Variants in RIMS1 observed in about 807,000 individuals in gnomAD.
RIMS1 encodes regulating synaptic membrane exocytosis protein 1.
A neutral mutation model predicts 214.1 loss-of-function variants in RIMS1; 83 were observed. The ratio of observed to expected loss-of-function variants is 0.39; its 90% CI spans 0.32 to 0.47. RIMS1 has a LOEUF of 0.47. Ranked by LOEUF, RIMS1 falls within the 20% of genes least tolerant of loss-of-function variation. The probability of loss-of-function intolerance (pLI) is 0.99; values close to 1 mark genes in which losing one functional copy is unlikely to be tolerated. For missense variants in RIMS1, 2,050 were observed against 2,161.8 expected (o/e 0.95, Z 1.03); for synonymous variants, 793 against 786.8 (o/e 1.01, Z -0.13).
rs930435911 is a variant in RIMS1 at position 72,307,263 on chromosome 6, T to A, written c.3856T>A (p.Leu1286Ile). Residue 1286 changes from leucine (L) to isoleucine (I), a missense_variant, in exon 27 of 34, where the codon TTA (leucine) becomes ATA (isoleucine). This residue lies in a region of RIMS1 where 889 missense variants were observed against 885.5 expected (regional missense o/e 1.00). Coordinates refer to ENST00000521978, the MANE Select transcript of RIMS1 (RefSeq NM_014989.7). ...TCCATTATGTGTTTTTGCAGCAAGCTTAGTAGTGGAGGAGCGAACAAGACA... is the reference window on the plus strand; with the variant it reads ...TCCATTATGTGTTTTTGCAGCAAGCATAGTAGTGGAGGAGCGAACAAGACA... ...VRSGSIEQAS[L>I]VVEERTRQMK... 18 of 1,594,942 alleles carry A rather than the reference T, an allele frequency of 1.1e-5. No individual in the cohort carries two copies. The highest frequency in any genetic ancestry group is 1.5e-5 in the Non-Finnish European group (18 of 1,169,820).
chr6:72,170,946 TAG>T (rs1237010573), intron 4 of RIMS1, among the ~76,000 whole-genome samples: 8 of 152,158 alleles, frequency 5.3e-5, no homozygotes, highest in Admixed American at 1.3e-4. Context: ...AATCCTAACA[TAG>T]AGTCTATGAA....
chr6:71,949,263 T>A lies in RIMS1; in HGVS notation c.165-19720T>A, dbSNP rs1054941839. ...ATGTATAATTTTTGGGGACATCACC[T>A]CCTAAATTCCTGGTTCTGGGCATAG... On this transcript the variant is annotated intron_variant, in intron 1 of 33. Coordinates refer to ENST00000521978, the MANE Select transcript of RIMS1 (RefSeq NM_014989.7). Among the ~76,000 whole-genome samples the A allele has an allele frequency of 2.6e-5, 4 of 152,168 alleles. No homozygotes were observed. In the East Asian group the frequency reaches 7.7e-4, roughly 29 times the overall value.
At chr6:72,105,404 G>A (rs1412963675) in intron 4 of RIMS1, among the ~76,000 whole-genome samples, 2 of 151,786 alleles carry the variant, frequency 1.3e-5, no homozygotes, top group African/African-American at 2.4e-5. Flanking sequence ...TAATATAAAC[G>A]TTATTTGTAT....
intron 2 of RIMS1, among the ~76,000 whole-genome samples, chr6:72,016,595 TAATTTCAA>T (rs1485510863): frequency 1.3e-5 from 2 of 152,242 alleles, no homozygotes; most frequent in Non-Finnish European, 2.9e-5. Context: ...AGCTTGTGGT[TAATTTCAA>T]AAGTTCTCAA....
At position 72,336,981 on chromosome 6, in the gene RIMS1, A is replaced by G. The variant is rs150415050; in HGVS notation, c.4366+3146A>G. Among the ~76,000 whole-genome samples, 781 of 151,862 alleles carry G rather than the reference A, an allele frequency of 5.1e-3. 9 individuals carry two copies. The highest frequency in any genetic ancestry group is 0.017 in the African/African-American group (722 of 41,508). On this transcript the variant is annotated intron_variant, in intron 29 of 33. Coordinates refer to ENST00000521978, the MANE Select transcript of RIMS1 (RefSeq NM_014989.7). Reference sequence around the variant, plus strand: ...TGTATTTCTGGATTCCTCTTCCCCTATGAAATATTACTTAATTTTAATCTC... The same window carrying G: ...TGTATTTCTGGATTCCTCTTCCCCTGTGAAATATTACTTAATTTTAATCTC...
At chr6:72,301,002 A>G (rs2094551087) in intron 26 of RIMS1, among the ~76,000 whole-genome samples, 1 of 151,784 alleles carries the variant, frequency 6.6e-6, no homozygotes, top group African/African-American at 2.4e-5. Flanking sequence ...AAAAGTCCGT[A>G]AGGCAATGTG....
At chr6:72,083,014 A>G (rs1196548197) in intron 2 of RIMS1, among the ~76,000 whole-genome samples, 2 of 152,246 alleles carry the variant, frequency 1.3e-5, no homozygotes, top group Admixed American at 6.5e-5. Flanking sequence ...ACTTTGTCAA[A>G]GTAATGTTGA....
intron 1 of RIMS1, among the ~76,000 whole-genome samples, chr6:71,933,297 G>A (rs1256781573): frequency 6.6e-6 from 1 of 151,918 alleles, no homozygotes; most frequent in Admixed American, 6.6e-5. Context: ...TTTTCACCTC[G>A]GCATTCATCA....
At chr6:72,392,253 A>T (rs1411935524) in intron 30 of RIMS1, among the ~76,000 whole-genome samples, 1 of 152,242 alleles carries the variant, frequency 6.6e-6, no homozygotes, top group African/African-American at 2.4e-5. Flanking sequence ...TCTTTGAATC[A>T]ATTAAATGTT....
At chr6:72,141,690 T>C (rs1465390278) in intron 4 of RIMS1, among the ~76,000 whole-genome samples, 3 of 152,034 alleles carry the variant, frequency 2.0e-5, no homozygotes, top group Non-Finnish European at 4.4e-5. Flanking sequence ...ATAGAGTAAG[T>C]ACTAAAGTTT....
intron 19 of RIMS1, chr6:72,263,608 A>G (rs958393502): frequency 6.1e-6 from 6 of 985,258 alleles, no homozygotes; most frequent in Admixed American, 6.2e-5. Context: ...ATAGCAACCT[A>G]TTACTAAAGA....
intron 4 of RIMS1, among the ~76,000 whole-genome samples, chr6:72,171,890 T>C (rs1228044392): frequency 1.3e-5 from 2 of 152,150 alleles, no homozygotes; most frequent in Admixed American, 6.5e-5. Flanking sequence ...TTCAACCATA[T>C]AAATAGTCAA....
intron 2 of RIMS1, among the ~76,000 whole-genome samples, chr6:71,993,988 G>A (rs1349308787): frequency 6.6e-6 from 1 of 152,034 alleles, no homozygotes; most frequent in African/African-American, 2.4e-5. Flanking sequence ...GTGATTTTTT[G>A]CAGTGCTTTA....
intron 29 of RIMS1, among the ~76,000 whole-genome samples, chr6:72,352,221 A>G (rs2097476698): frequency 6.6e-6 from 1 of 152,202 alleles, no homozygotes; most frequent in South Asian, 2.1e-4. Context: ...TGTTCTGCTT[A>G]TTTAGCTAAT....
intron 26 of RIMS1, among the ~76,000 whole-genome samples, chr6:72,292,393 T>C (rs1200890287): frequency 6.6e-6 from 1 of 152,184 alleles, no homozygotes; most frequent in African/African-American, 2.4e-5. Flanking sequence ...ATTTTATCTT[T>C]TAAAAGATTT....
At position 72,251,312 on chromosome 6, in the gene RIMS1, C is replaced by T; in HGVS notation, c.2642C>T (p.Ser881Leu). The T allele has an allele frequency of 6.2e-7, 1 of 1,601,066 alleles. No homozygotes were observed. The highest frequency in any genetic ancestry group is 8.5e-7 in the Non-Finnish European group (1 of 1,173,268). The change falls in exon 15 of 34, where the codon TCA becomes TTA. Residue 881 changes from serine (S) to leucine (L), a missense_variant. Physicochemically the swap from Ser to Leu is moderately radical, Grantham distance 145. Around this residue, in one of 6 missense-constraint regions of RIMS1, gnomAD observed 889 missense variants for 885.5 expected, o/e 1.00. Coordinates refer to ENST00000521978, the MANE Select transcript of RIMS1 (RefSeq NM_014989.7). ...TCTTCACTACCTCTGCCTCAGCCAT[C>T]ACCTTTCATGCCAAGGCGACATATT... is the stretch of plus-strand genomic sequence containing the variant. ...DESSLPLPQPSPFMPRRHIHG... is the reference protein window; with the variant it reads ...DESSLPLPQPLPFMPRRHIHG...
chr6:72,341,098 G>A (rs1049408317), intron 29 of RIMS1, among the ~76,000 whole-genome samples: 1 of 151,912 alleles, frequency 6.6e-6, no homozygotes, highest in Non-Finnish European at 1.5e-5. Flanking sequence ...TGTTATTGGT[G>A]TATAAGAATT....
At chr6:72,192,510 A>T (rs1164223160) in intron 6 of RIMS1, among the ~76,000 whole-genome samples, 2 of 152,210 alleles carry the variant, frequency 1.3e-5, no homozygotes, top group Non-Finnish European at 2.9e-5. Flanking sequence ...CTCTGTTTTA[A>T]TAATTCAAAT....
In RIMS1 at chr6:72,261,412, A is replaced by G. The variant is rs569037251; in HGVS notation, c.3116+645A>G. Reference sequence around the variant, plus strand: ...AATGCCTCTTTAGAAGCGACAAAAGATATAATTTTTGCTTCTAAATTGGAG... The same window carrying G: ...AATGCCTCTTTAGAAGCGACAAAAGGTATAATTTTTGCTTCTAAATTGGAG... On this transcript the variant is annotated intron_variant, in intron 19 of 33. Coordinates refer to ENST00000521978, the MANE Select transcript of RIMS1 (RefSeq NM_014989.7). The G allele has an allele frequency of 6.1e-5, 60 of 985,536 alleles. No homozygotes were observed. The African/African-American group carries it at 1.0e-3, about 17-fold the overall frequency. The allele number at this position is 985,536 out of a possible 1,614,324, so 61.0% of individuals were successfully genotyped here. A position where few individuals can be genotyped will look rare whatever the true frequency, so the allele number is the denominator to read the frequency against.
Sources: allele counts gnomAD v4.1 joint callset (sites outside exome capture counted in the v4.1 genomes callset), GRCh38; gene constraint gnomAD v4.1.1; regional missense constraint gnomAD v4.1.1; transcripts MANE v1.5; gene names NCBI Gene and HGNC (gene_info 2026-07-23, HGNC 2026-07-21).